The following CHD1 variants were observed in gnomAD, a reference collection of about 807,000 sequenced individuals.
CHD1 encodes the protein chromodomain helicase DNA binding protein 1.
Under a neutral mutation model 224.2 loss-of-function variants are expected in CHD1, and 36 were observed. That is an observed-to-expected ratio of 0.16 (90% CI 0.12 to 0.21). CHD1 has a LOEUF of 0.21. Among genes scored for constraint, CHD1 ranks in the 10% least tolerant of loss-of-function variants. CHD1 has a pLI of 1.00. For synonymous variants in CHD1, 668 were observed against 658.3 expected, an observed-to-expected ratio of 1.01 and a Z score of -0.23; for missense variants, 1,378 against 1,994.8, an observed-to-expected ratio of 0.69 and a Z score of 5.89.
chr5:98,901,312 G>A lies in CHD1; in HGVS notation c.461C>T (p.Ser154Leu). The A allele has an allele frequency of 1.9e-6, 3 of 1,607,492 alleles. No homozygotes were observed. Among genetic ancestry groups the A allele is most frequent in the South Asian group, 1.1e-5 (1 of 89,156 alleles). The change falls in exon 6 of 36, where the codon TCA (serine) becomes TTA (leucine). Residue 154 changes from serine (S) to leucine (L), a missense_variant. This residue lies in a region of CHD1 where 306 missense variants were observed against 298.1 expected (regional missense o/e 1.03). Coordinates refer to ENST00000614616, the MANE Select transcript of CHD1 (RefSeq NM_001270.4). Reference protein sequence around the residue: ...HKDEDWQMSGSGSPSQSGSDS... With the variant: ...HKDEDWQMSGLGSPSQSGSDS... ...TGAACCAGACTGAGATGGAGATCCT[G>A]ACCCAGACATTTGCCAATCTTCACT...
rs758876162 is a variant in CHD1 at position 98,888,210 on chromosome 5, G to A, written c.2374C>T (p.Leu792Phe). 5 of 1,609,668 alleles carry A rather than the reference G, an allele frequency of 3.1e-6. No individual in the cohort carries two copies. Among genetic ancestry groups the A allele is most frequent in the Admixed American group, 1.7e-5 (1 of 59,406 alleles). ...HLIRSSGKLI[L>F]LDKLLIRLRE... ...AGGCGAATTAATAGCTTGTCAAGAA[G>A]AATCAATTTTCCGCTACTACGAATT... The change falls in exon 17 of 36, where the codon CTT becomes TTT. Residue 792 changes from leucine to phenylalanine, a missense_variant. By Grantham distance (22) the Leu-to-Phe change is conservative. Coordinates refer to ENST00000614616, the MANE Select transcript of CHD1 (RefSeq NM_001270.4).
chr5:98,890,443 ATTAAT>A (rs1280827866), intron 15 of CHD1, among the ~76,000 whole-genome samples: 1 of 152,168 alleles, frequency 6.6e-6, no homozygotes, highest in African/African-American at 2.4e-5. Context: ...AAAATTTATT[ATTAAT>A]TTCTCTAGAG....
chr5:98,901,840 T>C (rs1751735815), intron 5 of CHD1, among the ~76,000 whole-genome samples: 2 of 152,002 alleles, frequency 1.3e-5, no homozygotes, highest in Admixed American at 1.3e-4. Flanking sequence ...ATTAAGTCTA[T>C]TTCATTCCAA....
intron 26 of CHD1, among the ~76,000 whole-genome samples, chr5:98,873,134 T>C (rs1749484652): frequency 6.6e-6 from 1 of 152,164 alleles, no homozygotes; most frequent in Non-Finnish European, 1.5e-5. Flanking sequence ...GGTCTGCTTA[T>C]TAAATTTTAT....
intron 2 of CHD1, among the ~76,000 whole-genome samples, chr5:98,908,113 T>A (rs746920664): frequency 2.6e-5 from 4 of 152,044 alleles, no homozygotes; most frequent in Non-Finnish European, 4.4e-5. Flanking sequence ...CCTTTCAGGA[T>A]CTCTCTCTAA....
At chr5:98,923,110 C>T (rs918207335) in intron 2 of CHD1, among the ~76,000 whole-genome samples, 1 of 152,212 alleles carries the variant, frequency 6.6e-6, no homozygotes, top group Non-Finnish European at 1.5e-5. Context: ...TAGGCACAAT[C>T]TCCCTTCTTT....
At chr5:98,864,400 C>CCAGGCATGGTGGCT (rs1362132151) in intron 31 of CHD1, among the ~76,000 whole-genome samples, 3 of 151,360 alleles carry the variant, frequency 2.0e-5, no homozygotes, top group Non-Finnish European at 4.4e-5. Context: ...AGAAATTGGG[C>CCAGGCATGGTGGCT]CAGGCATGGT....
Position 98,902,897 on chromosome 5 carries a change from T to A in CHD1, c.437+3A>T, listed in dbSNP as rs1437293465. ...AAGTAGTCAGTTGAACAAAATGACA[T>A]ACTCTTTATGCTTTTTCCTTTTGAC... On this transcript the variant is annotated splice_donor_region_variant and intron_variant, in intron 5 of 35. Coordinates refer to ENST00000614616, the MANE Select transcript of CHD1 (RefSeq NM_001270.4). 6.4e-7 allele frequency: 1 copy of A among 1,572,926 alleles called. No individual in the cohort carries two copies. The highest frequency in any genetic ancestry group is 8.7e-7 in the Non-Finnish European group (1 of 1,147,166).
At chr5:98,919,645 T>TA (rs1561279394) in intron 2 of CHD1, among the ~76,000 whole-genome samples, 1 of 152,146 alleles carries the variant, frequency 6.6e-6, no homozygotes. Flanking sequence ...GTAAGGAAGT[T>TA]ACAAAGCAAT....
rs1748343398 is a variant in CHD1 at position 98,860,048 on chromosome 5, G to A, written c.4448C>T (p.Ser1483Phe). The change falls in exon 33 of 36, where the codon TCT becomes TTT. Residue 1483 changes from serine (S) to phenylalanine (F), a missense_variant. Ser to Phe is a radical substitution (Grantham distance 155). Around this residue, in one of 16 missense-constraint regions of CHD1, gnomAD observed 278 missense variants for 298.5 expected, o/e 0.93. Coordinates refer to ENST00000614616, the MANE Select transcript of CHD1 (RefSeq NM_001270.4). ...TCTTGCATCAAATTCAGTAAACTTA[G>A]ATACAAAAATCCACAGGTTTCTAGA... ...QWRKNLWIFVSKFTEFDARKL... is the reference protein window; with the variant it reads ...QWRKNLWIFVFKFTEFDARKL... 1 of 1,548,766 alleles carries A rather than the reference G, an allele frequency of 6.5e-7. No homozygotes were observed. Among genetic ancestry groups the A allele is most frequent in the Non-Finnish European group, 8.8e-7 (1 of 1,133,852 alleles).
intron 13 of CHD1, among the ~76,000 whole-genome samples, chr5:98,893,859 C>A (rs114686183): frequency 6.6e-6 from 1 of 151,916 alleles, no homozygotes; most frequent in Non-Finnish European, 1.5e-5. Flanking sequence ...TGATAATTAA[C>A]GGAGAAAAAT....
chr5:98,898,908 A>G (rs1285138568), intron 8 of CHD1, 144 bp from the exon 9 acceptor site: 7 of 616,268 alleles, frequency 1.1e-5, no homozygotes, highest in Admixed American at 3.0e-5. Context: ...AAACTCAAAC[A>G]GGAATAAAGC....
In CHD1 at chr5:98,928,771, G is replaced by C. The variant is rs903276334; in HGVS notation, c.-381C>G. The C allele has an allele frequency of 1.7e-4, 26 of 155,336 alleles. No homozygotes were observed. Among genetic ancestry groups the C allele is most frequent in the East Asian group, 9.6e-4 (5 of 5,218 alleles). The allele number at this position is 155,336 out of a possible 1,614,324, so 9.6% of individuals were successfully genotyped here. On this transcript the variant is annotated 5_prime_UTR_variant, in exon 1 of 36. Transcript: ENST00000614616. ...TAACAATTCATTATTGAAGCACCAA[G>C]GGCGAGGGCAGCAAGAGCTATAAGT...
chr5:98,877,042 A>G (rs2112361678), intron 23 of CHD1, among the ~76,000 whole-genome samples: 1 of 152,210 alleles, frequency 6.6e-6, no homozygotes, highest in Non-Finnish European at 1.5e-5. Flanking sequence ...TTTTTGTAGC[A>G]TGCACCCGTA....
intron 30 of CHD1, 86 bp from the exon 31 acceptor site, chr5:98,868,721 G>A: frequency 1.6e-6 from 2 of 1,255,150 alleles, no homozygotes; most frequent in East Asian, 2.5e-5. Context: ...AATAATTACT[G>A]TCTCATTTTA....
chr5:98,884,616 C>T (rs536578829), intron 18 of CHD1, among the ~76,000 whole-genome samples: 2 of 152,134 alleles, frequency 1.3e-5, no homozygotes, highest in South Asian at 4.1e-4. Context: ...ACAGAGCTTA[C>T]TCATTTAACC....
Position 98,883,791 on chromosome 5 carries a change from G to A in CHD1, c.2569-554C>T. On this transcript the variant is annotated intron_variant, in intron 18 of 35. Coordinates refer to ENST00000614616, the MANE Select transcript of CHD1 (RefSeq NM_001270.4). Reference sequence around the variant, plus strand: ...CAGCCATAAAGAAGAATGAAATAATGGCATTTGCAGCAACCTAGATGGGAT... The same window carrying A: ...CAGCCATAAAGAAGAATGAAATAATAGCATTTGCAGCAACCTAGATGGGAT... 1.2e-5 allele frequency: 2 copies of A among 170,496 alleles called. 1 individual carries two copies. The highest frequency in any genetic ancestry group is 2.2e-5 in the Non-Finnish European group (2 of 92,600). 10.6% of individuals were successfully genotyped at this position (170,496 alleles called of 1,614,324 possible). A position where few individuals can be genotyped will look rare whatever the true frequency, so the allele number is the denominator to read the frequency against.
intron 25 of CHD1, among the ~76,000 whole-genome samples, 170 bp from the exon 26 acceptor site, chr5:98,873,893 C>T (rs1749548051): frequency 6.6e-6 from 1 of 152,144 alleles, no homozygotes; most frequent in Admixed American, 6.5e-5. Flanking sequence ...ATGTGGTAGA[C>T]AAACAATTCA....
chr5:98,876,702 CAG>C (rs1330938643), intron 23 of CHD1, 144 bp from the exon 24 acceptor site: 20 of 689,218 alleles, frequency 2.9e-5, no homozygotes, highest in Middle Eastern at 2.8e-4. Context: ...AAAGAGCAAA[CAG>C]AGAAAAATAT....
Sources: gnomAD v4.1 joint callset for allele counts (sites outside exome capture counted in the v4.1 genomes callset) on GRCh38, gnomAD v4.1.1 for gene constraint, gnomAD v4.1.1 regional missense constraint, MANE v1.5 for transcripts, NCBI Gene and HGNC (gene_info 2026-07-23, HGNC 2026-07-21) for gene names.